PDE3A: variants seen among roughly 807,000 people sequenced by gnomAD.
PDE3A encodes the protein cGMP-inhibited 3',5'-cyclic phosphodiesterase 3A.
In PDE3A, 43 loss-of-function variants were observed where a neutral mutation model predicts 98.3. The observed-to-expected ratio is 0.44, with a 90% CI of 0.34 to 0.56. The LOEUF (loss-of-function observed/expected upper bound fraction) is 0.56, where lower values mean the gene tolerates loss of function less well. Among genes scored for constraint, PDE3A ranks in the 20% least tolerant of loss-of-function variants. The pLI, the probability that PDE3A is intolerant of heterozygous loss-of-function variation, is 0.01. For missense variants in PDE3A, 1,427 were observed against 1,440.7 expected (o/e 0.99, Z 0.15); for synonymous variants, 663 against 567.9 (o/e 1.17, Z -2.38).
intron 10 of PDE3A, among the ~76,000 whole-genome samples, chr12:20,642,319 TTAAAG>T (rs1442086302): frequency 6.6e-6 from 1 of 152,082 alleles, no homozygotes; most frequent in African/African-American, 2.4e-5. Flanking sequence ...AAACAGAGAA[TTAAAG>T]TAATTTCATG....
At chr12:20,546,772 A>G (rs936620022) in intron 1 of PDE3A, among the ~76,000 whole-genome samples, 1 of 152,088 alleles carries the variant, frequency 6.6e-6, no homozygotes, top group African/African-American at 2.4e-5. Flanking sequence ...TATGACTAAT[A>G]TAAGGGTGTC....
At position 20,369,338 on chromosome 12, in the gene PDE3A, G is replaced by A. The variant is rs1181338379; in HGVS notation, c.54G>A (p.Gly18=). Residue 18 remains glycine (G), a synonymous_variant, in exon 1 of 16, where the codon GGG becomes GGA. Transcript: ENST00000359062. ...ARVRDKPVHS[G]VSQAPTAGRD... ...TCAGGGACAAGCCCGTCCACAGTGGGGTGAGTCAAGCCCCCACGGCGGGCC... is the reference window on the plus strand; with the variant it reads ...TCAGGGACAAGCCCGTCCACAGTGGAGTGAGTCAAGCCCCCACGGCGGGCC... The A allele has an allele frequency of 1.9e-6, 3 of 1,548,288 alleles. No individual in the cohort carries two copies. The highest frequency in any genetic ancestry group is 1.4e-5 in the African/African-American group (1 of 72,992).
At chr12:20,597,801 T>G (rs956137534) in intron 2 of PDE3A, among the ~76,000 whole-genome samples, 4 of 152,348 alleles carry the variant, frequency 2.6e-5, no homozygotes, top group Middle Eastern at 3.4e-3. Context: ...CATTCATCTC[T>G]GTAGCCCTAA....
At chr12:20,657,510 G>C (rs1359470174) in intron 15 of PDE3A, among the ~76,000 whole-genome samples, 1 of 152,150 alleles carries the variant, frequency 6.6e-6, no homozygotes, top group Non-Finnish European at 1.5e-5. Flanking sequence ...TGGTATCCTA[G>C]GAAAAGAAGG....
intron 1 of PDE3A, among the ~76,000 whole-genome samples, chr12:20,381,332 A>C (rs574876327): frequency 2.9e-4 from 44 of 152,038 alleles, no homozygotes; most frequent in African/African-American, 1.0e-3. Flanking sequence ...AATGAGTGCC[A>C]AAAACTAATG....
chr12:20,398,244 C>G (rs1418203621), intron 1 of PDE3A, among the ~76,000 whole-genome samples: 3 of 149,500 alleles, frequency 2.0e-5, no homozygotes, highest in African/African-American at 7.4e-5. Flanking sequence ...TCAGTTATCA[C>G]TGGTCTGGAG....
intron 2 of PDE3A, among the ~76,000 whole-genome samples, chr12:20,583,605 A>G (rs898274278): frequency 2.6e-5 from 4 of 152,190 alleles, no homozygotes; most frequent in Non-Finnish European, 4.4e-5. Flanking sequence ...AAACTCTATG[A>G]GCTAATCTGT....
rs149101470 is a variant in PDE3A, at chr12:20,506,552, T to C, written c.961-50108T>C. ...AGATTAGTTTGTAATAAGAATCTTA[T>C]AATTGTATTTTTTCTCAAACTTGAT... On this transcript the variant is annotated intron_variant, in intron 1 of 15. Coordinates refer to ENST00000359062, the MANE Select transcript of PDE3A (RefSeq NM_000921.5). Among the ~76,000 whole-genome samples, 20 of 152,156 alleles carry C rather than the reference T, an allele frequency of 1.3e-4. No individual in the cohort carries two copies. The East Asian group carries it at 3.3e-3, about 25-fold the overall frequency.
intron 2 of PDE3A, among the ~76,000 whole-genome samples, chr12:20,566,630 C>T (rs1008568813): frequency 2.0e-5 from 3 of 151,580 alleles, no homozygotes; most frequent in Admixed American, 6.6e-5. Flanking sequence ...GAAGATGTAG[C>T]GCAAACAGAT....
intron 9 of PDE3A, among the ~76,000 whole-genome samples, chr12:20,637,680 T>C (rs1307049749): frequency 3.9e-5 from 6 of 152,176 alleles, no homozygotes; most frequent in Non-Finnish European, 5.9e-5. Flanking sequence ...TGTGCCAAAA[T>C]GTGTTTCCTC....
At chr12:20,656,249 T>C (rs1407525174) in intron 15 of PDE3A, among the ~76,000 whole-genome samples, 1 of 152,224 alleles carries the variant, frequency 6.6e-6, no homozygotes, top group African/African-American at 2.4e-5. Context: ...ACAGTCAGGA[T>C]AATGCACAAC....
chr12:20,678,740 C>T (rs993614985), intron 15 of PDE3A, among the ~76,000 whole-genome samples: 6 of 152,212 alleles, frequency 3.9e-5, no homozygotes, highest in African/African-American at 1.4e-4. Flanking sequence ...CGCAAACCGA[C>T]ATTCATTCTG....
At chr12:20,652,484 C>T (rs1214548291) in intron 14 of PDE3A, among the ~76,000 whole-genome samples, 1 of 152,132 alleles carries the variant, frequency 6.6e-6, no homozygotes, top group South Asian at 2.1e-4. Flanking sequence ...GATGGTATCT[C>T]GTTGTGGTTT....
rs145887541 is a variant in PDE3A, at chr12:20,369,686, G to T, written c.402G>T (p.Ala134=). The change falls in exon 1 of 16, where the codon GCG becomes GCT. Residue 134 remains alanine, a synonymous_variant. Transcript: ENST00000359062. ...ARLSPWLQPS[A]LLFSLLCAFF... Reference sequence around the variant, plus strand: ...TCAGCCCCTGGCTGCAGCCCTCGGCGCTGCTCTTCAGTCTCCTGTGTGCCT... The same window carrying T: ...TCAGCCCCTGGCTGCAGCCCTCGGCTCTGCTCTTCAGTCTCCTGTGTGCCT... 1.5e-3 allele frequency: 2,380 copies of T among 1,610,842 alleles called. 10 individuals are homozygous for T. The highest frequency in any genetic ancestry group is 1.5e-3 in the Non-Finnish European group (1,771 of 1,179,252).
chr12:20,567,544 A>AGAT (rs1247123872), intron 2 of PDE3A, among the ~76,000 whole-genome samples: 3 of 152,032 alleles, frequency 2.0e-5, no homozygotes, highest in Admixed American at 2.0e-4. Context: ...CTTAAGGAGA[A>AGAT]GATAGTATTT....
Position 20,422,120 on chromosome 12 carries a change from G to A in PDE3A, c.960+51876G>A, listed in dbSNP as rs905236770. 2.6e-5 allele frequency among the ~76,000 whole-genome samples: 4 copies of A among 152,310 alleles called. No homozygotes were observed. In the East Asian group the frequency reaches 7.8e-4, roughly 30 times the overall value. On this transcript the variant is annotated intron_variant, in intron 1 of 15. Coordinates refer to ENST00000359062, the MANE Select transcript of PDE3A (RefSeq NM_000921.5). ...CTAGCACTTTGGGAGGCCGAGGTGGGCGGATCACTAGGTCAGGAGATCGAG... is the reference window on the plus strand; with the variant it reads ...CTAGCACTTTGGGAGGCCGAGGTGGACGGATCACTAGGTCAGGAGATCGAG...
chr12:20,612,997 A>G lies in PDE3A; in HGVS notation c.1012-446A>G, dbSNP rs145332126. 3.9e-3 allele frequency among the ~76,000 whole-genome samples: 592 copies of G among 152,218 alleles called. 1 individual carries two copies. The highest frequency in any genetic ancestry group is 5.5e-3 in the Non-Finnish European group (371 of 68,014). ...ATAACTACCATTAGCAAAAATATTCATTGAATAAACACCAGGTTCAAGTGT... is the reference window on the plus strand; with the variant it reads ...ATAACTACCATTAGCAAAAATATTCGTTGAATAAACACCAGGTTCAAGTGT... On this transcript the variant is annotated intron_variant, in intron 2 of 15. Coordinates refer to ENST00000359062, the MANE Select transcript of PDE3A (RefSeq NM_000921.5).
chr12:20,449,306 A>G (rs1470188721), intron 1 of PDE3A, among the ~76,000 whole-genome samples: 2 of 152,228 alleles, frequency 1.3e-5, no homozygotes, highest in African/African-American at 4.8e-5. Context: ...TCATTTTAAC[A>G]GTTGCTTCAG....
At chr12:20,412,502 G>A (rs11045225) in intron 1 of PDE3A, among the ~76,000 whole-genome samples, 93,866 of 152,006 alleles carry the variant, frequency 0.62, 30,751 homozygotes, top group East Asian at 0.88. Flanking sequence ...AGTAGTTAAT[G>A]TATCCATAGG....
Sources: gnomAD v4.1 joint callset for allele counts (sites outside exome capture counted in the v4.1 genomes callset) on GRCh38, gnomAD v4.1.1 for gene constraint, MANE v1.5 for transcripts, NCBI Gene and HGNC (gene_info 2026-07-23, HGNC 2026-07-21) for gene names.